Variants in ABHD18 observed in about 807,000 individuals in gnomAD.
ABHD18 encodes abhydrolase domain containing 18.
Under a neutral mutation model 65.9 loss-of-function variants are expected in ABHD18, and 55 were observed. The observed-to-expected ratio is 0.84, with a 90% CI of 0.67 to 1.05. The LOEUF (loss-of-function observed/expected upper bound fraction) is 1.05. Among genes scored for constraint, ABHD18 ranks in the 50% least tolerant of loss-of-function variants. The pLI is 0.00. For missense variants in ABHD18, 533 were observed against 558.5 expected (o/e 0.95, Z 0.46); for synonymous variants, 181 against 180.2 (o/e 1.00, Z -0.04).
At chr4:128,033,664 T>G (rs1307241626) in intron 12 of ABHD18, among the ~76,000 whole-genome samples, 1 of 151,498 alleles carries the variant, frequency 6.6e-6, no homozygotes, top group East Asian at 2.0e-4. Context: ...GCCTCTGCAG[T>G]AGCTGGGACT....
Position 128,038,276 on chromosome 4 carries a change from A to G in ABHD18, c.*2463A>G, listed in dbSNP as rs1579511876. On this transcript the variant is annotated 3_prime_UTR_variant, in exon 13 of 13. Transcript: ENST00000645843. ...AGAACCTTTAGTTTTAACCAAAAGT[A>G]TAACATCTACTAAAGTTCTTCCACA... 6.6e-6 allele frequency: 1 copy of G among 152,244 alleles called. No homozygotes were observed. Among genetic ancestry groups the G allele is most frequent in the Non-Finnish European group, 1.5e-5 (1 of 68,044 alleles). The allele number at this position is 152,244 out of a possible 1,614,324, so 9.4% of individuals were successfully genotyped here. A position where few individuals can be genotyped will look rare whatever the true frequency, so the allele number is the denominator to read the frequency against.
At chr4:127,984,484 A>C in intron 3 of ABHD18, 61 bp downstream of exon 3, 1 of 891,256 alleles carries the variant, frequency 1.1e-6, no homozygotes, top group East Asian at 2.8e-5. Flanking sequence ...ATGTCTAAGA[A>C]TAGATTACAT....
Position 128,030,596 on chromosome 4 carries a change from AT to A in ABHD18, c.1270del (p.Trp424GlyfsTer9), listed in dbSNP as rs1352629314. The A allele has an allele frequency of 1.2e-6, 2 of 1,608,008 alleles. No homozygotes were observed. Among genetic ancestry groups the A allele is most frequent in the African/African-American group, 2.7e-5 (2 of 74,646 alleles). The part of the protein sequence containing the change: ...PRTGVRSLQE[I>X]WPGCEIRYLE... The stretch of plus-strand genomic sequence containing the variant: ...AACAGGAGTTCGAAGTTTACAAGAA[AT>A]TTGGCCTGGTTGTGAAATCCGATAC... On this transcript the variant is annotated frameshift_variant, in exon 12 of 13. Coordinates refer to ENST00000645843, the MANE Select transcript of ABHD18 (RefSeq NM_001358451.3). LOFTEE classifies it high-confidence loss of function.
chr4:127,978,245 A>C (rs1165439384), intron 1 of ABHD18, among the ~76,000 whole-genome samples: 3 of 152,130 alleles, frequency 2.0e-5, no homozygotes, highest in African/African-American at 7.2e-5. Flanking sequence ...TAGTAGGTGT[A>C]TGGATTTATA....
At chr4:127,977,423 G>A (rs150525928) in intron 1 of ABHD18, among the ~76,000 whole-genome samples, 2,194 of 152,338 alleles carry the variant, frequency 0.014, 63 homozygotes, top group African/African-American at 0.05. Context: ...AGTGGGCTGA[G>A]ATCATGCCAC....
At chr4:128,011,148 TG>T (rs1188365915) in intron 6 of ABHD18, among the ~76,000 whole-genome samples, 71 of 151,496 alleles carry the variant, frequency 4.7e-4, no homozygotes, top group African/African-American at 1.5e-3. Context: ...ATGTGATATA[TG>T]ATTTTTTTTT....
chr4:128,031,093 T>TTTA (rs1758138597), intron 12 of ABHD18: 1 of 989,450 alleles, frequency 1.0e-6, no homozygotes. Context: ...ATATTGAACC[T>TTTA]TAAATAAGAA....
intron 1 of ABHD18, among the ~76,000 whole-genome samples, chr4:127,975,102 C>T (rs1289421851): frequency 6.6e-6 from 1 of 151,222 alleles, no homozygotes; most frequent in African/African-American, 2.4e-5. Context: ...TATTTGGAGA[C>T]TCAACCCCAA....
At chr4:128,025,492 T>G (rs1374988876) in intron 10 of ABHD18, among the ~76,000 whole-genome samples, 3 of 152,218 alleles carry the variant, frequency 2.0e-5, no homozygotes, top group Admixed American at 2.0e-4. Flanking sequence ...TTTTTACTGC[T>G]ATATAATAGT....
chr4:127,996,222 G>A lies in ABHD18; in HGVS notation c.278+6401G>A, dbSNP rs560187549. On this transcript the variant is annotated intron_variant, in intron 4 of 12. Transcript: ENST00000645843. ...CAAAATTTAACTGTTCAGATACATAGTATTCACTCACCTTTTCACTTTTAT... is the reference window on the plus strand; with the variant it reads ...CAAAATTTAACTGTTCAGATACATAATATTCACTCACCTTTTCACTTTTAT... 2.0e-5 allele frequency among the ~76,000 whole-genome samples: 3 copies of A among 152,250 alleles called. No individual in the cohort carries two copies. In the South Asian group the frequency reaches 6.2e-4, roughly 32 times the overall value.
chr4:127,970,560 G>A (rs1746546514), intron 1 of ABHD18, among the ~76,000 whole-genome samples: 2 of 141,450 alleles, frequency 1.4e-5, no homozygotes, highest in South Asian at 4.4e-4. Context: ...TTGCAATCCA[G>A]CCTGGGCAAC....
intron 4 of ABHD18, among the ~76,000 whole-genome samples, chr4:127,991,580 TAC>T (rs1457564161): frequency 6.6e-6 from 1 of 152,206 alleles, no homozygotes; most frequent in African/African-American, 2.4e-5. Context: ...CCTAGATCTT[TAC>T]ACAGTTTTCT....
At chr4:128,001,686 G>A (rs981500315) in intron 4 of ABHD18, 1 of 1,528,768 alleles carries the variant, frequency 6.5e-7, no homozygotes. Flanking sequence ...GAATTTAGAA[G>A]GTTTTGGTGT....
At chr4:128,004,044 A>G (rs1241305902) in intron 4 of ABHD18, among the ~76,000 whole-genome samples, 1 of 151,970 alleles carries the variant, frequency 6.6e-6, no homozygotes, top group Admixed American at 6.6e-5. Context: ...TGATGAAACT[A>G]TCCCCATGAT....
intron 4 of ABHD18, among the ~76,000 whole-genome samples, 153 bp downstream of exon 4, chr4:127,989,974 A>G (rs368457377): frequency 7.3e-4 from 111 of 152,346 alleles, no homozygotes; most frequent in African/African-American, 2.6e-3. Context: ...TTCAAAGAAC[A>G]TAAGGAGTAT....
chr4:127,970,589 C>CAAAA (rs375709595), intron 1 of ABHD18, among the ~76,000 whole-genome samples: 106 of 53,310 alleles, frequency 2.0e-3, no homozygotes, highest in Non-Finnish European at 2.3e-3. Context: ...AACTCTGTCT[C>CAAAA]AAAAAAAAAA....
intron 10 of ABHD18, among the ~76,000 whole-genome samples, chr4:128,024,696 A>ATT (rs567663945): frequency 7.0e-6 from 1 of 143,248 alleles, no homozygotes; most frequent in Non-Finnish European, 1.5e-5. Context: ...ACCAATTTTA[A>ATT]TTTTTTTTTT....
intron 1 of ABHD18, among the ~76,000 whole-genome samples, chr4:127,970,496 G>T (rs1297221468): frequency 6.6e-6 from 1 of 150,662 alleles, no homozygotes; most frequent in Non-Finnish European, 1.5e-5. Context: ...GGAGGCTGAG[G>T]CAGAATTGCT....
At chr4:127,991,746 C>T (rs938470947) in intron 4 of ABHD18, among the ~76,000 whole-genome samples, 8 of 152,188 alleles carry the variant, frequency 5.3e-5, no homozygotes, top group Admixed American at 4.6e-4. Context: ...AATAGTGATA[C>T]ATGTATGGGC....
Sources: gnomAD v4.1 joint callset for allele counts (sites outside exome capture counted in the v4.1 genomes callset) on GRCh38, gnomAD v4.1.1 for gene constraint, MANE v1.5 for transcripts, NCBI Gene and HGNC (gene_info 2026-07-23, HGNC 2026-07-21) for gene names.